The following NTM variants were observed in gnomAD, a reference collection of about 807,000 sequenced individuals.
The protein encoded by NTM is IgLON family member 2.
NTM carries 13 observed loss-of-function variants against 42.1 expected under a neutral mutation model. The ratio of observed to expected loss-of-function variants is 0.31; its 90% CI spans 0.20 to 0.49. The LOEUF is 0.49. Among genes scored for constraint, NTM ranks in the 20% least tolerant of loss-of-function variants. The probability of loss-of-function intolerance (pLI) is 0.99; values close to 1 mark genes in which losing one functional copy is unlikely to be tolerated. For missense variants in NTM, 373 were observed against 452.8 expected, an observed-to-expected ratio of 0.82 and a Z score of 1.60; for synonymous variants, 187 against 179.2, an observed-to-expected ratio of 1.04 and a Z score of -0.35.
chr11:131,694,144 C>A (rs2075138536), intron 1 of NTM, among the ~76,000 whole-genome samples: 1 of 152,184 alleles, frequency 6.6e-6, no homozygotes, highest in African/African-American at 2.4e-5. Flanking sequence ...TTTGCAGATG[C>A]TCACTACATC....
chr11:131,690,725 G>A (rs2074558999), intron 1 of NTM, among the ~76,000 whole-genome samples: 1 of 152,252 alleles, frequency 6.6e-6, no homozygotes, highest in Non-Finnish European at 1.5e-5. Context: ...GGACGTGGGT[G>A]CTAAGCGTAG....
At chr11:131,833,795 A>T (rs1335111531) in intron 1 of NTM, among the ~76,000 whole-genome samples, 1 of 152,212 alleles carries the variant, frequency 6.6e-6, no homozygotes, top group Non-Finnish European at 1.5e-5. Context: ...GCAATATTCA[A>T]GGGCATAAAT....
intron 2 of NTM, among the ~76,000 whole-genome samples, chr11:131,990,712 A>G (rs948359075): frequency 6.6e-6 from 1 of 152,180 alleles, no homozygotes; most frequent in Non-Finnish European, 1.5e-5. Context: ...AAGATTTCAG[A>G]TACACAGTTT....
At chr11:132,142,883 T>G (rs2137275775) in intron 2 of NTM, among the ~76,000 whole-genome samples, 1 of 152,272 alleles carries the variant, frequency 6.6e-6, no homozygotes, top group East Asian at 1.9e-4. Context: ...TCTGTCAATT[T>G]TCAATAATTA....
intron 2 of NTM, among the ~76,000 whole-genome samples, chr11:132,110,800 T>G (rs962903289): frequency 1.9e-4 from 29 of 151,874 alleles, no homozygotes; most frequent in African/African-American, 7.0e-4. Flanking sequence ...TTTGTGAGGC[T>G]GAGGTGGGAG....
At chr11:131,934,461 TATTC>T (rs558286060) in intron 2 of NTM, among the ~76,000 whole-genome samples, 2 of 152,310 alleles carry the variant, frequency 1.3e-5, no homozygotes, top group African/African-American at 2.4e-5. Context: ...ACAGGGTAAA[TATTC>T]ATTCATTCAT....
chr11:131,722,313 C>T (rs2078459666), intron 1 of NTM, among the ~76,000 whole-genome samples: 1 of 152,130 alleles, frequency 6.6e-6, no homozygotes, highest in African/African-American at 2.4e-5. Flanking sequence ...CCATTTTCCC[C>T]CAGACCATAA....
chr11:132,205,872 C>A lies in NTM; in HGVS notation c.401-6150C>A, dbSNP rs186888739. The stretch of plus-strand genomic sequence containing the variant: ...TTCCTGGATGTCCCTCATCATCTCA[C>A]CATCAGCAAGTCTAAGATAGAATTA... On this transcript the variant is annotated intron_variant, in intron 3 of 8. Coordinates refer to ENST00000683400, the MANE Select transcript of NTM (RefSeq NM_001352005.2). Among the ~76,000 whole-genome samples, 174 of 152,300 alleles carry A rather than the reference C, an allele frequency of 1.1e-3. 1 individual carries two copies. The Middle Eastern group carries it at 0.017, about 15-fold the overall frequency.
intron 2 of NTM, among the ~76,000 whole-genome samples, chr11:131,916,281 C>T (rs1356407068): frequency 6.6e-6 from 1 of 152,180 alleles, no homozygotes; most frequent in Non-Finnish European, 1.5e-5. Context: ...CACTAAGCAT[C>T]AACACACCTG....
At chr11:131,933,752 G>T (rs1269324514) in intron 2 of NTM, among the ~76,000 whole-genome samples, 2 of 152,112 alleles carry the variant, frequency 1.3e-5, no homozygotes, top group Non-Finnish European at 2.9e-5. Context: ...CGTGGGCGAT[G>T]AATTTGGGTT....
At chr11:131,390,114 A>G (rs1158309928) in intron 1 of NTM, among the ~76,000 whole-genome samples, 1 of 152,324 alleles carries the variant, frequency 6.6e-6, no homozygotes, top group East Asian at 1.9e-4. Context: ...GTGTGGCACA[A>G]GCACCTGCTC....
Position 132,159,906 on chromosome 11 carries a change from G to C in NTM, c.400+13392G>C, listed in dbSNP as rs150031256. Among the ~76,000 whole-genome samples the C allele has an allele frequency of 3.6e-3, 547 of 152,346 alleles. 4 individuals carry two copies. The highest frequency in any genetic ancestry group is 9.6e-3 in the African/African-American group (398 of 41,560). Reference sequence around the variant, plus strand: ...TAAATGAGGTTCATGCTGATTAGTAGGAACTGTGTCAAATAGGTGAGCAGG... The same window carrying C: ...TAAATGAGGTTCATGCTGATTAGTACGAACTGTGTCAAATAGGTGAGCAGG... On this transcript the variant is annotated intron_variant, in intron 3 of 8. Coordinates refer to ENST00000683400, the MANE Select transcript of NTM (RefSeq NM_001352005.2).
intron 1 of NTM, among the ~76,000 whole-genome samples, chr11:131,779,200 G>C (rs79460474): frequency 0.01 from 1,562 of 152,288 alleles, 28 homozygotes; most frequent in African/African-American, 0.036. Flanking sequence ...AATGAGCCTG[G>C]AAGAGGATTC....
At chr11:131,638,778 A>C (rs577186688) in intron 1 of NTM, among the ~76,000 whole-genome samples, 1 of 152,194 alleles carries the variant, frequency 6.6e-6, no homozygotes, top group East Asian at 1.9e-4. Flanking sequence ...ATCTTGGACA[A>C]TCTGTTTGGT....
intron 1 of NTM, among the ~76,000 whole-genome samples, chr11:131,821,817 C>T (rs1219413323): frequency 1.3e-5 from 2 of 152,196 alleles, no homozygotes; most frequent in Non-Finnish European, 2.9e-5. Context: ...ACACCATTGA[C>T]TGATCCATGA....
intron 2 of NTM, among the ~76,000 whole-genome samples, chr11:132,123,271 A>C (rs2065136306): frequency 6.6e-6 from 1 of 152,172 alleles, no homozygotes; most frequent in Non-Finnish European, 1.5e-5. Context: ...AAGGGACTGG[A>C]AAGGCACAGG....
chr11:131,518,160 G>A (rs1215180597), intron 1 of NTM, among the ~76,000 whole-genome samples: 1 of 152,184 alleles, frequency 6.6e-6, no homozygotes. Flanking sequence ...GATGAAGACA[G>A]GCAGGCATGA....
At chr11:132,160,655 TG>T (rs970760906) in intron 3 of NTM, among the ~76,000 whole-genome samples, 1 of 152,166 alleles carries the variant, frequency 6.6e-6, no homozygotes, top group Non-Finnish European at 1.5e-5. Context: ...GGGAGAGAGC[TG>T]GGCTGAATAC....
intron 4 of NTM, among the ~76,000 whole-genome samples, chr11:132,298,879 CAT>C (rs2094725815): frequency 6.6e-6 from 1 of 151,956 alleles, no homozygotes; most frequent in East Asian, 1.9e-4. Context: ...TTGATAGACA[CAT>C]ATATGTGTGT....
Sources: gnomAD v4.1 joint callset for allele counts (sites outside exome capture counted in the v4.1 genomes callset) on GRCh38, gnomAD v4.1.1 for gene constraint, MANE v1.5 for transcripts, NCBI Gene and HGNC (gene_info 2026-07-23, HGNC 2026-07-21) for gene names.